Variants in COX17 observed in about 807,000 individuals in gnomAD.
COX17 encodes the protein cytochrome c oxidase copper chaperone COX17.
Under a neutral mutation model 6.3 loss-of-function variants are expected in COX17, and 1 was observed. That is an observed-to-expected ratio of 0.16 (90% confidence interval 0.06 to 0.75). The LOEUF is 0.75. Ranked by LOEUF, COX17 falls within the 30% of genes least tolerant of loss-of-function variation. The pLI is 0.77. For synonymous variants in COX17, 26 were observed against 30.5 expected (o/e 0.85, Z 0.49); for missense variants, 73 against 81.2 (o/e 0.90, Z 0.39).
intron 2 of COX17, among the ~76,000 whole-genome samples, chr3:119,673,311 G>A (rs1167238436): frequency 1.3e-5 from 2 of 152,186 alleles, no homozygotes; most frequent in Non-Finnish European, 2.9e-5. Context: ...GTGGGGATAT[G>A]ACAGTAAATG....
rs1298732334 is a variant in COX17 at position 119,677,341 on chromosome 3, A to T, written c.-31T>A. The T allele has an allele frequency of 4.4e-6, 7 of 1,581,954 alleles. No individual in the cohort carries two copies. Among genetic ancestry groups the T allele is most frequent in the Non-Finnish European group, 6.1e-6 (7 of 1,156,716 alleles). ...GCGCCAAAAGCAGCTATGAGCGGAG[A>T]CAGCCAAATCTATGCCAGCCTCGGC... On this transcript the variant is annotated 5_prime_UTR_variant, in exon 1 of 3. Transcript: ENST00000261070.
At chr3:119,664,285 T>A (rs559494425) in intron 3 of COX17, among the ~76,000 whole-genome samples, 79 of 152,326 alleles carry the variant, frequency 5.2e-4, no homozygotes, top group Admixed American at 2.1e-3. Flanking sequence ...TCTGGGAGGC[T>A]GAGATGGGAG....
At chr3:119,671,818 T>C (rs2053046950) in intron 2 of COX17, among the ~76,000 whole-genome samples, 1 of 152,204 alleles carries the variant, frequency 6.6e-6, no homozygotes, top group Non-Finnish European at 1.5e-5. Flanking sequence ...TATCCACTCC[T>C]AACTTGAGCA....
intron 1 of COX17, 51 bp downstream of exon 1, chr3:119,677,153 A>AGGCCGCGGCCCGGGGCTCGTC: frequency 6.8e-7 from 1 of 1,478,930 alleles, no homozygotes; most frequent in Non-Finnish European, 9.4e-7. Context: ...CGGAAGGCAC[A>AGGCCGCGGCCCGGGGCTCGTC]GGCCGCGGCC....
intron 2 of COX17, chr3:119,674,855 G>C (rs1223390139): frequency 1.5e-5 from 4 of 262,468 alleles, no homozygotes; most frequent in Non-Finnish European, 2.1e-5. Context: ...AAACAAGAAA[G>C]AGAATATGTT....
At chr3:119,676,974 G>A (rs1047797796) in intron 1 of COX17, 39 of 607,924 alleles carry the variant, frequency 6.4e-5, no homozygotes, top group Non-Finnish European at 1.1e-4. Context: ...AACCTACAAG[G>A]CCCAATAATT....
intron 1 of COX17, chr3:119,675,513 GC>G: frequency 3.2e-6 from 1 of 314,360 alleles, no homozygotes; most frequent in Non-Finnish European, 5.9e-6. Flanking sequence ...GAGTAACACT[GC>G]TCTATAAAGA....
chr3:119,670,066 C>T (rs1229292018), intron 2 of COX17, among the ~76,000 whole-genome samples: 2 of 152,050 alleles, frequency 1.3e-5, no homozygotes, highest in Admixed American at 6.6e-5. Context: ...GTATGCCTGG[C>T]GAAGATCCAC....
At chr3:119,670,752 T>TGTGTGTGTG (rs2053035258) in intron 2 of COX17, among the ~76,000 whole-genome samples, 2 of 149,716 alleles carry the variant, frequency 1.3e-5, no homozygotes, top group South Asian at 4.2e-4. Flanking sequence ...ATGATCAGTT[T>TGTGTGTGTG]TGTGTGTGTG....
downstream of COX17, among the ~76,000 whole-genome samples, chr3:119,667,193 G>A (rs896432194): frequency 1.3e-5 from 2 of 152,170 alleles, no homozygotes; most frequent in African/African-American, 4.8e-5. Context: ...GAAGAGCAAG[G>A]GCTTAGCAAA....
At chr3:119,667,864 G>A (rs1164779073), downstream of COX17, among the ~76,000 whole-genome samples, 2 of 152,056 alleles carry the variant, frequency 1.3e-5, no homozygotes, top group African/African-American at 4.8e-5. Flanking sequence ...TCGGAATTTA[G>A]GTTATCTGAC....
chr3:119,676,730 C>G, intron 1 of COX17: 1 of 667,348 alleles, frequency 1.5e-6, no homozygotes, highest in East Asian at 2.8e-5. Flanking sequence ...ATAGCCCTTA[C>G]CACGTCGTAT....
intron 1 of COX17, 155 bp from the exon 2 acceptor site, chr3:119,675,388 G>C (rs1280886736): frequency 5.0e-6 from 3 of 599,494 alleles, no homozygotes; most frequent in East Asian, 5.6e-5. Context: ...GTTTTTATTT[G>C]ATCTTATGAT....
intron 1 of COX17, chr3:119,675,501 A>G (rs2053090769): frequency 5.0e-6 from 2 of 403,072 alleles, no homozygotes; most frequent in Admixed American, 7.5e-5. Flanking sequence ...TCAATATCCA[A>G]GGAGTAACAC....
In COX17 at chr3:119,672,581, T is replaced by C. The variant is rs565765547; in HGVS notation, c.*4+2564A>G. ...TGTACAAATGTTAAGGTTGCATCTTTAAAAATAGTTAATAAAGTACACATA... is the reference window on the plus strand; with the variant it reads ...TGTACAAATGTTAAGGTTGCATCTTCAAAAATAGTTAATAAAGTACACATA... On this transcript the variant is annotated intron_variant, in intron 2 of 2. Coordinates refer to ENST00000261070, the MANE Select transcript of COX17 (RefSeq NM_005694.2). 1.4e-4 allele frequency among the ~76,000 whole-genome samples: 21 copies of C among 152,354 alleles called. No individual in the cohort carries two copies. The South Asian group carries it at 4.1e-3, about 30-fold the overall frequency.
At position 119,675,164 on chromosome 3, in the gene COX17, T is replaced by G. The variant is rs761746207; in HGVS notation, c.177A>C (p.Leu59=). 23 of 1,611,906 alleles carry G rather than the reference T, an allele frequency of 1.4e-5. No homozygotes were observed. The highest frequency in any genetic ancestry group is 2.2e-5 in the East Asian group (1 of 44,850). ...GCTTACCATTTCATATTTTAAATCCTAGGGCTCTCATGCATTCCTTGTGGG... is the reference window on the plus strand; with the variant it reads ...GCTTACCATTTCATATTTTAAATCCGAGGGCTCTCATGCATTCCTTGTGGG... The part of the protein sequence containing the change: ...IEAHKECMRA[L]GFKI Residue 59 remains leucine, a synonymous_variant, in exon 2 of 3, where the codon CTA becomes CTC. Coordinates refer to ENST00000261070, the MANE Select transcript of COX17 (RefSeq NM_005694.2).
At chr3:119,675,756 G>A (rs1227444842) in intron 1 of COX17, among the ~76,000 whole-genome samples, 1 of 152,236 alleles carries the variant, frequency 6.6e-6, no homozygotes, top group Admixed American at 6.5e-5. Flanking sequence ...GTAAAGACTA[G>A]GACTACACAG....
chr3:119,672,018 T>G (rs2053049674), intron 2 of COX17, among the ~76,000 whole-genome samples: 3 of 152,214 alleles, frequency 2.0e-5, no homozygotes, highest in Admixed American at 2.0e-4. Context: ...GTAACCAGGA[T>G]TCAATAATAA....
chr3:119,673,984 C>T lies in COX17; in HGVS notation c.*4+1161G>A, dbSNP rs540627216. Among the ~76,000 whole-genome samples, 10 of 151,972 alleles carry T rather than the reference C, an allele frequency of 6.6e-5. 1 individual carries two copies. The highest frequency in any genetic ancestry group is 5.8e-4 in the East Asian group (3 of 5,162). On this transcript the variant is annotated intron_variant, in intron 2 of 2. Transcript: ENST00000261070. The stretch of plus-strand genomic sequence containing the variant: ...GTGCCTCTCCGCCTGGCCACCACCC[C>T]ATCTGGGAAGTGAGGTGCCCCTCTG...
Sources: gnomAD v4.1 joint callset for allele counts (sites outside exome capture counted in the v4.1 genomes callset) on GRCh38, gnomAD v4.1.1 for gene constraint, MANE v1.5 for transcripts, NCBI Gene and HGNC (gene_info 2026-07-23, HGNC 2026-07-21) for gene names.